BRAF: variants seen among roughly 807,000 people sequenced by gnomAD.
BRAF encodes the protein B-Raf proto-oncogene, serine/threonine kinase.
Under a neutral mutation model 104.6 loss-of-function variants are expected in BRAF, and 16 were observed. The observed-to-expected ratio is 0.15, with a 90% CI of 0.10 to 0.23. The LOEUF is 0.23. Ranked by LOEUF, BRAF falls within the 10% of genes least tolerant of loss-of-function variation. BRAF has a pLI of 1.00. For missense variants in BRAF, 541 were observed against 937.3 expected (o/e 0.58, Z 5.52); for synonymous variants, 310 against 341.6 (o/e 0.91, Z 1.02).
chr7:140,714,187 C>T, the BRAF span, among the ~76,000 whole-genome samples: 4 of 152,190 alleles, frequency 2.6e-5, no homozygotes, highest in African/African-American at 9.6e-5. Flanking sequence ...CTGGGAGCTG[C>T]AGACGGGAGC....
intron 5 of BRAF, among the ~76,000 whole-genome samples, chr7:140,803,954 G>A (rs979593681): frequency 6.6e-6 from 1 of 152,020 alleles, no homozygotes; most frequent in Admixed American, 6.6e-5. Flanking sequence ...GCAGGATCTC[G>A]GCCCACTGCA....
intron 3 of BRAF, among the ~76,000 whole-genome samples, chr7:140,810,367 G>A (rs1017989179): frequency 7.2e-5 from 11 of 152,232 alleles, no homozygotes; most frequent in South Asian, 2.1e-4. Flanking sequence ...TCAGGAGTTC[G>A]AGACCAGCTT....
chr7:140,731,437 G>A (rs1795953941), intron 19 of BRAF: 1 of 152,160 alleles, frequency 6.6e-6, no homozygotes, highest in Non-Finnish European at 1.5e-5. Flanking sequence ...TTACAGAAAT[G>A]CTCAACAATT....
At chr7:140,858,816 TAA>T (rs1338965273) in intron 1 of BRAF, among the ~76,000 whole-genome samples, 2 of 151,930 alleles carry the variant, frequency 1.3e-5, no homozygotes, top group African/African-American at 4.8e-5. Context: ...AGTGTTTATA[TAA>T]GTGTTTATAT....
chr7:140,918,875 C>T (rs113852827), intron 1 of BRAF, among the ~76,000 whole-genome samples: 5,587 of 136,556 alleles, frequency 0.041, 157 homozygotes, highest in Non-Finnish European at 0.067. Context: ...TGTGGTGGCT[C>T]ACGCCTGTAA....
chr7:140,761,917 T>TA (rs1798778770), intron 14 of BRAF, among the ~76,000 whole-genome samples: 1 of 152,218 alleles, frequency 6.6e-6, no homozygotes, highest in Admixed American at 6.5e-5. Flanking sequence ...CAAAGAGACT[T>TA]AGACTCCCAC....
In BRAF at chr7:140,924,328, A is replaced by G. The variant is rs556387066; in HGVS notation, c.138+238T>C. Among the ~76,000 whole-genome samples the G allele has an allele frequency of 4.6e-5, 7 of 152,098 alleles. No individual in the cohort carries two copies. The East Asian group carries it at 9.7e-4, about 21-fold the overall frequency. On this transcript the variant is annotated intron_variant, in intron 1 of 19. Coordinates refer to ENST00000644969, the MANE Select transcript of BRAF (RefSeq NM_001374258.1). The surrounding 1 kb of genome is among the most constrained non-coding windows in gnomAD (Gnocchi z 4.2). ...CTCCCGCTCAACCACCGCTGCCCCA[A>G]TCCCCACATCTGGGGTGGGGGCCAG...
chr7:140,816,202 A>G (rs1804866868), intron 3 of BRAF, among the ~76,000 whole-genome samples: 1 of 152,220 alleles, frequency 6.6e-6, no homozygotes, highest in Non-Finnish European at 1.5e-5. Flanking sequence ...TGAAGATTAA[A>G]TGAGTAAGTG....
At chr7:140,729,850 CTG>C (rs1273039698) in intron 19 of BRAF, among the ~76,000 whole-genome samples, 1 of 152,006 alleles carries the variant, frequency 6.6e-6, no homozygotes, top group African/African-American at 2.4e-5. Context: ...GAGCAAGACT[CTG>C]TCTCCAAAAA....
At chr7:140,763,650 C>T (rs959376038) in intron 14 of BRAF, among the ~76,000 whole-genome samples, 1 of 152,218 alleles carries the variant, frequency 6.6e-6, no homozygotes, top group African/African-American at 2.4e-5. Flanking sequence ...AAACTACCAT[C>T]AGAGAATACT....
intron 1 of BRAF, among the ~76,000 whole-genome samples, chr7:140,875,561 A>G (rs917902474): frequency 1.5e-4 from 23 of 152,174 alleles, no homozygotes; most frequent in African/African-American, 5.3e-4. Context: ...TACTTTTAGT[A>G]CAGACAGGGT....
At chr7:140,792,790 G>C (rs1034576893) in intron 8 of BRAF, among the ~76,000 whole-genome samples, 1 of 152,202 alleles carries the variant, frequency 6.6e-6, no homozygotes, top group Non-Finnish European at 1.5e-5. Context: ...ATAGCCCACA[G>C]TTATTAGTAA....
At chr7:140,770,912 G>A (rs1466759999) in intron 14 of BRAF, among the ~76,000 whole-genome samples, 4 of 135,848 alleles carry the variant, frequency 2.9e-5, no homozygotes, top group Non-Finnish European at 6.1e-5. Flanking sequence ...CAGCCTGGGT[G>A]ACAGTGAGAT....
chr7:140,828,371 CTTTTCTGGTT>C (rs1314997878), intron 3 of BRAF, among the ~76,000 whole-genome samples: 1 of 152,078 alleles, frequency 6.6e-6, no homozygotes, highest in Non-Finnish European at 1.5e-5. Context: ...AGCTCCTATG[CTTTTCTGGTT>C]TTTTCAACTC....
intron 1 of BRAF, among the ~76,000 whole-genome samples, chr7:140,865,587 A>G (rs1015259183): frequency 1.3e-5 from 2 of 152,242 alleles, no homozygotes; most frequent in Non-Finnish European, 2.9e-5. Context: ...CAGTCATTTC[A>G]TAATAGTATC....
intron 12 of BRAF, among the ~76,000 whole-genome samples, chr7:140,778,926 C>A (rs919502207): frequency 3.9e-5 from 6 of 152,064 alleles, no homozygotes; most frequent in Non-Finnish European, 8.8e-5. Context: ...AAAAGACATA[C>A]ACTAAAAATG....
intron 1 of BRAF, among the ~76,000 whole-genome samples, chr7:140,872,807 G>A (rs914547526): frequency 1.3e-5 from 2 of 152,220 alleles, no homozygotes; most frequent in African/African-American, 4.8e-5. Context: ...AGGCTGTGGT[G>A]AGCCATGATT....
In BRAF at chr7:140,823,114, G is replaced by A. The variant is rs570594159; in HGVS notation, c.504+11495C>T. Among the ~76,000 whole-genome samples, 18 of 152,266 alleles carry A rather than the reference G, an allele frequency of 1.2e-4. No individual in the cohort carries two copies. In the South Asian group the frequency reaches 3.5e-3, roughly 30 times the overall value. ...ACTGAGATTACAGGTGTGAGCCACC[G>A]TGTCCAGCCTAACGTTTTACATAAC... On this transcript the variant is annotated intron_variant, in intron 3 of 19. Transcript: ENST00000644969.
intron 17 of BRAF, chr7:140,748,802 C>T (rs754668113): frequency 3.0e-4 from 47 of 157,348 alleles, no homozygotes; most frequent in Non-Finnish European, 5.6e-4. Context: ...AATTACCCTC[C>T]TACTAGCATT....
Sources: gnomAD v4.1 joint callset for allele counts (sites outside exome capture counted in the v4.1 genomes callset) on GRCh38, gnomAD v4.1.1 for gene constraint, Gnocchi (gnomAD v3.1) non-coding constraint, MANE v1.5 for transcripts, NCBI Gene and HGNC (gene_info 2026-07-23, HGNC 2026-07-21) for gene names.